The following HMGN5 variants were observed in gnomAD, a reference collection of about 807,000 sequenced individuals.
The protein encoded by HMGN5 is high mobility group nucleosome-binding domain-containing protein 5.
In HMGN5, 4 loss-of-function variants were observed where a neutral mutation model predicts 9.5. The observed-to-expected ratio is 0.42, with a 90% CI of 0.21 to 0.96. HMGN5 has a LOEUF of 0.96. HMGN5 is among the 40% of genes least tolerant of loss of function. The probability of loss-of-function intolerance (pLI) is 0.30; values close to 1 mark genes in which losing one functional copy is unlikely to be tolerated. For missense variants in HMGN5, 192 were observed against 187.5 expected (o/e 1.02, Z -0.14); for synonymous variants, 55 against 57.1 (o/e 0.96, Z 0.16).
rs41310713 is a variant in HMGN5, at chrX:81,114,665, G to A, written c.833C>T (p.Pro278Leu). 8.8e-7 allele frequency: 1 copy of A among 1,137,322 alleles called. No individual in the cohort carries two copies. Among genetic ancestry groups the A allele is most frequent in the Non-Finnish European group, 1.2e-6 (1 of 862,879 alleles). 93.7% of individuals were successfully genotyped at this position (1,137,322 alleles called of 1,213,427 possible). A position where few individuals can be genotyped will look rare whatever the true frequency, so the allele number is the denominator to read the frequency against. The part of the protein sequence containing the change: ...IKEDDGKKEE[P>L]QSIV The stretch of plus-strand genomic sequence containing the variant: ...AGGGCAGTTTTAAACAATACTCTGT[G>A]GCTCCTCTTTTTTTCCATCATCTTC... Residue 278 changes from proline to leucine, a missense_variant, in exon 7 of 7, where the codon CCA (proline) becomes CTA (leucine). By Grantham distance (98) the Pro-to-Leu change is moderately conservative. Coordinates refer to ENST00000358130, the MANE Select transcript of HMGN5 (RefSeq NM_030763.3).
Position 81,159,883 on chromosome X carries a change from AC to A in HMGN5, c.-123-38212del, listed in dbSNP as rs901678048. Among the ~76,000 whole-genome samples the A allele has an allele frequency of 3.6e-5, 4 of 111,674 alleles. No individual in the cohort carries two copies. In the Admixed American group the frequency reaches 3.8e-4, roughly 11 times the overall value. ...TTAATGTATTAATTTAAAAAGGAGT[AC>A]TTTTTCTTTACTTCAAAATGAATCC... On this transcript the variant is annotated intron_variant, in intron 1 of 6. Transcript: ENST00000358130.
At chrX:81,146,930 C>A (rs749213031) in intron 1 of HMGN5, among the ~76,000 whole-genome samples, 1 of 111,698 alleles carries the variant, frequency 9.0e-6, no homozygotes, top group Non-Finnish European at 1.9e-5. Context: ...CACATACACC[C>A]TCCCAAGACT....
intron 1 of HMGN5, among the ~76,000 whole-genome samples, chrX:81,199,135 C>A (rs910158352): frequency 9.9e-5 from 11 of 111,467 alleles, no homozygotes; most frequent in Admixed American, 5.7e-4. Flanking sequence ...ACAATTGCTA[C>A]AAATAGAATA....
chrX:81,155,102 T>TATATATATATATATATATATAC (rs1407923805), intron 1 of HMGN5, among the ~76,000 whole-genome samples: 9 of 91,052 alleles, frequency 9.9e-5, no homozygotes, highest in African/African-American at 3.6e-4. Context: ...TATATATATA[T>TATATATATATATATATATATAC]ACACACACAC....
chrX:81,155,091 A>G (rs1367187673), intron 1 of HMGN5, among the ~76,000 whole-genome samples: 1 of 94,736 alleles, frequency 1.1e-5, no homozygotes, highest in African/African-American at 3.8e-5. Context: ...ATATATATAT[A>G]TATATATATA....
chrX:81,118,478 A>C lies in HMGN5; in HGVS notation c.83T>G (p.Val28Gly). The change falls in exon 5 of 7, where the codon GTG becomes GGG. Residue 28 changes from valine (V) to glycine (G), a missense_variant. Physicochemically the swap from Val to Gly is moderately radical, Grantham distance 109. Coordinates refer to ENST00000358130, the MANE Select transcript of HMGN5 (RefSeq NM_030763.3). ...RRSARLSAML[V>G]PVTPEVKPKR... ...AGGCTTCACCTCTGGTGTAACTGGC[A>C]CAAGCATCTGCTTCAAGTTGTGGGA... 2.5e-6 allele frequency: 3 copies of C among 1,177,855 alleles called. No homozygotes were observed. The highest frequency in any genetic ancestry group is 3.4e-6 in the Non-Finnish European group (3 of 871,547).
chrX:81,200,692 C>T (rs1280809884), intron 1 of HMGN5, among the ~76,000 whole-genome samples: 1 of 111,208 alleles, frequency 9.0e-6, no homozygotes, highest in Non-Finnish European at 1.9e-5. Flanking sequence ...GAACATCACA[C>T]CCCGGGGCCA....
intron 1 of HMGN5, among the ~76,000 whole-genome samples, chrX:81,188,682 T>C (rs766329203): frequency 7.4e-5 from 8 of 107,585 alleles, no homozygotes; most frequent in Admixed American, 5.0e-4. Flanking sequence ...TGTGTCCAAG[T>C]GTTCTCATTG....
intron 3 of HMGN5, among the ~76,000 whole-genome samples, chrX:81,119,566 T>TA (rs780879622): frequency 5.4e-5 from 6 of 111,479 alleles, no homozygotes; most frequent in South Asian, 3.7e-4. Context: ...ATCATTTCTA[T>TA]AAAAAAAAGT....
chrX:81,200,659 A>C (rs1203975322), intron 1 of HMGN5, among the ~76,000 whole-genome samples: 2 of 111,615 alleles, frequency 1.8e-5, no homozygotes, highest in Admixed American at 9.5e-5. Flanking sequence ...TTGAACAATG[A>C]GAACACATGG....
chrX:81,153,393 A>G (rs1469212942), intron 1 of HMGN5, among the ~76,000 whole-genome samples: 1 of 101,594 alleles, frequency 9.8e-6, no homozygotes, highest in Non-Finnish European at 2.0e-5. Flanking sequence ...ATCTCGAATA[A>G]AAATACAAAA....
chrX:81,180,257 T>G (rs913426209), intron 1 of HMGN5, among the ~76,000 whole-genome samples: 1 of 110,703 alleles, frequency 9.0e-6, no homozygotes, highest in African/African-American at 3.3e-5. Context: ...ACCATCAGAG[T>G]GAACAGGCAA....
intron 1 of HMGN5, among the ~76,000 whole-genome samples, chrX:81,169,354 A>G (rs2075419072): frequency 9.0e-6 from 1 of 111,729 alleles, no homozygotes; most frequent in African/African-American, 3.3e-5. Flanking sequence ...TGTAACATGT[A>G]CTATAAAGTT....
intron 1 of HMGN5, among the ~76,000 whole-genome samples, chrX:81,152,188 A>G (rs974409394): frequency 7.1e-5 from 8 of 111,905 alleles, no homozygotes; most frequent in Non-Finnish European, 1.5e-4. Flanking sequence ...AAAAGAAACT[A>G]CCATCAGAGT....
chrX:81,199,977 A>G (rs916911335), intron 1 of HMGN5, among the ~76,000 whole-genome samples: 1 of 112,269 alleles, frequency 8.9e-6, no homozygotes, highest in Admixed American at 9.4e-5. Context: ...CAATCTACTC[A>G]TCTGACAAAG....
intron 1 of HMGN5, among the ~76,000 whole-genome samples, chrX:81,139,199 A>C (rs1263590112): frequency 8.9e-6 from 1 of 112,765 alleles, no homozygotes. Context: ...AGCAGGAAGA[A>C]TCACTTCATA....
intron 1 of HMGN5, among the ~76,000 whole-genome samples, chrX:81,164,609 G>C (rs1472565938): frequency 9.0e-6 from 1 of 111,099 alleles, no homozygotes; most frequent in Non-Finnish European, 1.9e-5. Flanking sequence ...TTTCTTGGTT[G>C]CTCTATTATC....
chrX:81,148,495 G>C (rs943702737), intron 1 of HMGN5, among the ~76,000 whole-genome samples: 1 of 112,049 alleles, frequency 8.9e-6, no homozygotes, highest in Non-Finnish European at 1.9e-5. Context: ...ATGGATTAAA[G>C]GCTTAAATGT....
At chrX:81,190,568 TA>T (rs1467514164) in intron 1 of HMGN5, among the ~76,000 whole-genome samples, 1 of 111,732 alleles carries the variant, frequency 8.9e-6, no homozygotes, top group Non-Finnish European at 1.9e-5. Flanking sequence ...AGAAATTTGT[TA>T]ATTTTAATGA....
Sources: allele counts gnomAD v4.1 joint callset (sites outside exome capture counted in the v4.1 genomes callset), GRCh38; gene constraint gnomAD v4.1.1; transcripts MANE v1.5; gene names NCBI Gene and HGNC (gene_info 2026-07-23, HGNC 2026-07-21).